The following ELAVL2 variants were observed in gnomAD, a reference collection of about 807,000 sequenced individuals.
ELAVL2 encodes ELAV-like protein 2.
In ELAVL2, 4 loss-of-function variants were observed where a neutral mutation model predicts 34.6. The ratio of observed to expected loss-of-function variants is 0.12; its 90% CI spans 0.06 to 0.26. ELAVL2 has a LOEUF of 0.26. Ranked by LOEUF, ELAVL2 falls within the 10% of genes least tolerant of loss-of-function variation. ELAVL2 has a pLI of 1.00. For missense variants in ELAVL2, 432 were observed against 442.8 expected (o/e 0.98, Z 0.22); for synonymous variants, 193 against 154.8 (o/e 1.25, Z -1.83).
chr9:23,713,665 T>C (rs2041592619), intron 3 of ELAVL2, among the ~76,000 whole-genome samples: 1 of 152,166 alleles, frequency 6.6e-6, no homozygotes, highest in South Asian at 2.1e-4. Context: ...CACATAATAT[T>C]TATAAATACT....
At chr9:23,738,933 C>A (rs1304900117) in intron 2 of ELAVL2, among the ~76,000 whole-genome samples, 1 of 152,150 alleles carries the variant, frequency 6.6e-6, no homozygotes, top group Admixed American at 6.5e-5. Context: ...TATGAATCTG[C>A]TGGCAATGCG....
chr9:23,813,301 C>T (rs1184256070), intron 1 of ELAVL2, among the ~76,000 whole-genome samples: 1 of 152,054 alleles, frequency 6.6e-6, no homozygotes, highest in Non-Finnish European at 1.5e-5. Context: ...CTAAGGCTGC[C>T]CTGCTGCTTC....
At chr9:23,801,078 A>G (rs1470511364) in intron 1 of ELAVL2, among the ~76,000 whole-genome samples, 1 of 152,188 alleles carries the variant, frequency 6.6e-6, no homozygotes, top group Admixed American at 6.6e-5. Context: ...TTCCATTTTT[A>G]TATTTTATTT....
At chr9:23,792,752 T>C (rs932300900) in intron 1 of ELAVL2, among the ~76,000 whole-genome samples, 5 of 152,076 alleles carry the variant, frequency 3.3e-5, no homozygotes, top group African/African-American at 7.2e-5. Flanking sequence ...CATTATTTTA[T>C]TTACTTCCTT....
intron 3 of ELAVL2, among the ~76,000 whole-genome samples, chr9:23,728,645 T>C (rs1485993123): frequency 1.3e-5 from 2 of 152,036 alleles, no homozygotes; most frequent in Non-Finnish European, 2.9e-5. Flanking sequence ...TGGAATAGTA[T>C]CCCAGGAAAT....
rs575780217 is a variant in ELAVL2 at position 23,692,483 on chromosome 9, A to G, written c.*74T>C. 2 of 1,423,062 alleles carry G rather than the reference A, an allele frequency of 1.4e-6. No individual in the cohort carries two copies. Among genetic ancestry groups the G allele is most frequent in the African/African-American group, 2.9e-5 (2 of 69,746 alleles). The allele number at this position is 1,423,062 out of a possible 1,614,324, so 88.2% of individuals were successfully genotyped here. On this transcript the variant is annotated 3_prime_UTR_variant, in exon 7 of 7. Transcript: ENST00000397312. Reference sequence around the variant, plus strand: ...ACACTGACTTACAAAGACATTTACTAATGTATAAAGTTTCTCTTAACTTGC... The same window carrying G: ...ACACTGACTTACAAAGACATTTACTGATGTATAAAGTTTCTCTTAACTTGC...
At chr9:23,837,055 A>G in the ELAVL2 span, among the ~76,000 whole-genome samples, 21 of 152,332 alleles carry the variant, frequency 1.4e-4, no homozygotes, top group Non-Finnish European at 2.8e-4. Context: ...CAAGACTGAC[A>G]GGTATAGAAG....
At chr9:23,722,835 T>C (rs967751333) in intron 3 of ELAVL2, among the ~76,000 whole-genome samples, 1 of 152,248 alleles carries the variant, frequency 6.6e-6, no homozygotes, top group African/African-American at 2.4e-5. Flanking sequence ...ATAATAGTCC[T>C]ATGAAATTTG....
At chr9:23,822,294 G>T (rs562879750) in intron 1 of ELAVL2, among the ~76,000 whole-genome samples, 1 of 152,084 alleles carries the variant, frequency 6.6e-6, no homozygotes, top group South Asian at 2.1e-4. Flanking sequence ...AGAAAATAAA[G>T]GCTTAGCCCC....
intron 1 of ELAVL2, among the ~76,000 whole-genome samples, chr9:23,805,909 T>C (rs1056517597): frequency 6.6e-5 from 10 of 152,038 alleles, no homozygotes; most frequent in Non-Finnish European, 1.5e-4. Flanking sequence ...TAAATACATG[T>C]AAAAAGCATA....
chr9:23,779,979 T>TAAAAAAAAA (rs61251366), intron 1 of ELAVL2, among the ~76,000 whole-genome samples: 1 of 48,282 alleles, frequency 2.1e-5, no homozygotes, highest in Non-Finnish European at 4.0e-5. Flanking sequence ...TAGTGTTCCT[T>TAAAAAAAAA]AAAAAAAAAA....
chr9:23,704,808 T>C (rs2038762722), intron 4 of ELAVL2, 110 bp downstream of exon 4: 2 of 1,402,680 alleles, frequency 1.4e-6, no homozygotes. Flanking sequence ...CTGGCCCACA[T>C]ATACCTTTGA....
intron 5 of ELAVL2, among the ~76,000 whole-genome samples, chr9:23,697,943 T>C (rs965910035): frequency 2.0e-5 from 3 of 151,876 alleles, no homozygotes; most frequent in Admixed American, 6.6e-5. Flanking sequence ...TCTTACTGCC[T>C]TACTGCCTTA....
intron 1 of ELAVL2, chr9:23,779,411 G>C: frequency 1.0e-6 from 1 of 985,364 alleles, no homozygotes. Context: ...TTATAGCACA[G>C]CAATGGAAGA....
At chr9:23,716,641 GC>G (rs2133900626) in intron 3 of ELAVL2, among the ~76,000 whole-genome samples, 1 of 152,258 alleles carries the variant, frequency 6.6e-6, no homozygotes. Context: ...TCTGCAAGCT[GC>G]TCTCCAAAGA....
chr9:23,735,372 G>A (rs2047629245), intron 2 of ELAVL2: 2 of 152,260 alleles, frequency 1.3e-5, no homozygotes, highest in Middle Eastern at 3.4e-3. Flanking sequence ...CCACCTCCTG[G>A]GTTCAAGCGA....
intron 2 of ELAVL2, among the ~76,000 whole-genome samples, chr9:23,753,475 G>C (rs1564285844): frequency 6.6e-6 from 1 of 152,062 alleles, no homozygotes; most frequent in African/African-American, 2.4e-5. Flanking sequence ...AGTTAAGGTA[G>C]TGAAATAGAA....
intron 3 of ELAVL2, among the ~76,000 whole-genome samples, chr9:23,713,230 G>T (rs554036698): frequency 6.6e-6 from 1 of 152,182 alleles, no homozygotes; most frequent in African/African-American, 2.4e-5. Flanking sequence ...ACATGGTAAA[G>T]ATATTCTTGA....
At chr9:23,725,538 T>C (rs535758531) in intron 3 of ELAVL2, among the ~76,000 whole-genome samples, 2 of 152,262 alleles carry the variant, frequency 1.3e-5, no homozygotes. Flanking sequence ...CCTCCTTCTT[T>C]ACAGTGGGGG....
Sources: allele counts gnomAD v4.1 joint callset (sites outside exome capture counted in the v4.1 genomes callset), GRCh38; gene constraint gnomAD v4.1.1; transcripts MANE v1.5; gene names NCBI Gene and HGNC (gene_info 2026-07-23, HGNC 2026-07-21).